Variants in ADAMTS17 observed in about 807,000 individuals in gnomAD.
ADAMTS17 encodes the protein A disintegrin and metalloproteinase with thrombospondin motifs 17.
Under a neutral mutation model 141.5 loss-of-function variants are expected in ADAMTS17, and 113 were observed. The observed-to-expected ratio is 0.80, with a 90% CI of 0.69 to 0.93. ADAMTS17 has a LOEUF of 0.93. Among genes scored for constraint, ADAMTS17 ranks in the 40% least tolerant of loss-of-function variants. ADAMTS17 has a pLI of 0.00. For missense variants in ADAMTS17, 1,659 were observed against 1,517.9 expected (o/e 1.09, Z -1.54); for synonymous variants, 768 against 630.6 (o/e 1.22, Z -3.27).
intron 7 of ADAMTS17, among the ~76,000 whole-genome samples, chr15:100,210,852 A>C (rs1318170110): frequency 6.6e-6 from 1 of 152,176 alleles, no homozygotes; most frequent in African/African-American, 2.4e-5. Context: ...CTGTAATCCC[A>C]GCACTTTGGG....
chr15:100,074,935 C>A lies in ADAMTS17; in HGVS notation c.2138-20881G>T, dbSNP rs910636577. On this transcript the variant is annotated intron_variant, in intron 15 of 21. Coordinates refer to ENST00000268070, the MANE Select transcript of ADAMTS17 (RefSeq NM_139057.4). ...CTATTATTTTACATATTTGTACTTT[C>A]CTACCCCCATTTGGTTCATTAAATG... is the stretch of plus-strand genomic sequence containing the variant. 2.0e-5 allele frequency among the ~76,000 whole-genome samples: 3 copies of A among 152,134 alleles called. No homozygotes were observed. The East Asian group carries it at 5.8e-4, about 29-fold the overall frequency.
intron 20 of ADAMTS17, among the ~76,000 whole-genome samples, chr15:99,984,224 G>A (rs9672993): frequency 0.04 from 6,120 of 152,228 alleles, 423 homozygotes; most frequent in African/African-American, 0.14. Context: ...TGCAGGGGCC[G>A]GGTCGCCTCC....
intron 15 of ADAMTS17, among the ~76,000 whole-genome samples, chr15:100,075,785 A>T (rs1192896326): frequency 2.0e-5 from 3 of 152,044 alleles, no homozygotes; most frequent in Admixed American, 1.3e-4. Flanking sequence ...TTGATCTTTT[A>T]TCCTGGGACT....
chr15:100,254,328 T>C, intron 6 of ADAMTS17, 149 bp from the exon 7 acceptor site: 1 of 736,392 alleles, frequency 1.4e-6, no homozygotes, highest in Non-Finnish European at 2.3e-6. Context: ...ACAGCAGCGT[T>C]TGGCAACAGT....
intron 20 of ADAMTS17, chr15:99,978,598 G>C (rs184156134): frequency 1.3e-5 from 2 of 152,250 alleles, no homozygotes; most frequent in Non-Finnish European, 2.9e-5. Context: ...TCAGGAGTCG[G>C]CATCAGGCGC....
chr15:100,130,426 G>C (rs1023278097), intron 12 of ADAMTS17, among the ~76,000 whole-genome samples: 1 of 151,950 alleles, frequency 6.6e-6, no homozygotes. Flanking sequence ...CACTCTGCTG[G>C]GTGCTAGAGG....
intron 8 of ADAMTS17, among the ~76,000 whole-genome samples, chr15:100,187,637 T>C (rs2040767008): frequency 6.6e-6 from 1 of 152,112 alleles, no homozygotes; most frequent in Non-Finnish European, 1.5e-5. Flanking sequence ...ATAACAAATG[T>C]GGAAACAGAA....
chr15:100,324,463 TTA>T (rs2045837844), intron 3 of ADAMTS17, among the ~76,000 whole-genome samples: 1 of 152,194 alleles, frequency 6.6e-6, no homozygotes, highest in South Asian at 2.1e-4. Flanking sequence ...CTACATTCAT[TTA>T]TGTCTTTACT....
intron 15 of ADAMTS17, among the ~76,000 whole-genome samples, chr15:100,079,793 A>G (rs1228640339): frequency 1.3e-5 from 2 of 152,146 alleles, no homozygotes; most frequent in Non-Finnish European, 2.9e-5. Flanking sequence ...TGCCTTATCC[A>G]CCATCATGGT....
At chr15:99,988,620 C>A (rs2060635258) in intron 20 of ADAMTS17, among the ~76,000 whole-genome samples, 1 of 152,250 alleles carries the variant, frequency 6.6e-6, no homozygotes, top group South Asian at 2.1e-4. Context: ...GTCAAACGGG[C>A]TGTGGCAAAA....
chr15:99,998,561 G>A (rs907416132), intron 18 of ADAMTS17, among the ~76,000 whole-genome samples: 1 of 152,104 alleles, frequency 6.6e-6, no homozygotes, highest in Non-Finnish European at 1.5e-5. Context: ...CCAAGATCGC[G>A]CCACTGCACT....
intron 10 of ADAMTS17, among the ~76,000 whole-genome samples, chr15:100,139,656 C>G (rs1951331806): frequency 6.6e-6 from 1 of 152,200 alleles, no homozygotes; most frequent in Non-Finnish European, 1.5e-5. Flanking sequence ...TCACCAGTAA[C>G]GAGACATAAT....
At chr15:100,063,445 G>A (rs1387271058) in intron 15 of ADAMTS17, among the ~76,000 whole-genome samples, 1 of 152,136 alleles carries the variant, frequency 6.6e-6, no homozygotes, top group African/African-American at 2.4e-5. Flanking sequence ...CCTGTCCCAA[G>A]CTTGTCTTCC....
intron 18 of ADAMTS17, among the ~76,000 whole-genome samples, chr15:100,010,374 G>T (rs1031220438): frequency 1.3e-5 from 2 of 152,222 alleles, no homozygotes; most frequent in African/African-American, 4.8e-5. Flanking sequence ...CTGCACAGGG[G>T]ATGCTCCAGG....
At chr15:100,043,503 G>A (rs2031432930) in intron 18 of ADAMTS17, among the ~76,000 whole-genome samples, 1 of 152,212 alleles carries the variant, frequency 6.6e-6, no homozygotes, top group Admixed American at 6.5e-5. Flanking sequence ...GGCTCATGCT[G>A]AGAGCGTGGT....
intron 20 of ADAMTS17, chr15:99,979,737 T>G (rs1177375347): frequency 6.6e-6 from 1 of 152,228 alleles, no homozygotes; most frequent in Admixed American, 6.5e-5. Flanking sequence ...TCTATTCAAC[T>G]GTTTTGACCT....
At chr15:100,341,710 G>A (rs1434448708) in intron 1 of ADAMTS17, 111 bp downstream of exon 1, 3 of 1,357,916 alleles carry the variant, frequency 2.2e-6, no homozygotes, top group Admixed American at 3.0e-5. Context: ...CTCCGCTCGG[G>A]CGCCGTCAGC....
chr15:100,149,069 G>A (rs994700214), intron 10 of ADAMTS17, among the ~76,000 whole-genome samples: 2 of 152,240 alleles, frequency 1.3e-5, no homozygotes, highest in African/African-American at 4.8e-5. Context: ...GCCTAGCAGG[G>A]AAGAATTGAG....
At chr15:100,219,618 A>G (rs1273097290) in intron 7 of ADAMTS17, among the ~76,000 whole-genome samples, 7 of 152,168 alleles carry the variant, frequency 4.6e-5, no homozygotes, top group Non-Finnish European at 1.0e-4. Context: ...ACGCATCCAG[A>G]GACCCTGGAA....
Sources: allele counts gnomAD v4.1 joint callset (sites outside exome capture counted in the v4.1 genomes callset), GRCh38; gene constraint gnomAD v4.1.1; transcripts MANE v1.5; gene names NCBI Gene and HGNC (gene_info 2026-07-23, HGNC 2026-07-21).